The following CNTLN variants were observed in gnomAD, a reference collection of about 807,000 sequenced individuals.
The protein encoded by CNTLN is centlein, centrosomal protein.
CNTLN carries 212 observed loss-of-function variants against 180.0 expected under a neutral mutation model. The observed-to-expected ratio is 1.18, with a 90% confidence interval of 1.05 to 1.32. CNTLN has a LOEUF of 1.32. Ranked by LOEUF, CNTLN falls within the 40% of genes most tolerant of loss-of-function variation. CNTLN has a pLI of 0.00. For missense variants in CNTLN, 2,095 were observed against 1,610.9 expected (o/e 1.30, Z -5.14); for synonymous variants, 722 against 563.1 (o/e 1.28, Z -3.99).
chr9:17,304,228 A>G (rs771606814), intron 7 of CNTLN, among the ~76,000 whole-genome samples: 12 of 152,160 alleles, frequency 7.9e-5, no homozygotes, highest in Non-Finnish European at 1.8e-4. Context: ...AGTCTCATAT[A>G]CAAGTCTACC....
At chr9:17,319,316 G>T (rs1459675323) in intron 8 of CNTLN, among the ~76,000 whole-genome samples, 1 of 152,158 alleles carries the variant, frequency 6.6e-6, no homozygotes, top group Non-Finnish European at 1.5e-5. Context: ...TCTGGGCTGG[G>T]GCCTGAGATT....
At chr9:17,430,522 G>A (rs1194120615) in intron 18 of CNTLN, among the ~76,000 whole-genome samples, 4 of 151,872 alleles carry the variant, frequency 2.6e-5, no homozygotes, top group Admixed American at 6.6e-5. Context: ...TAATATCCAT[G>A]ATCTCAAAAA....
At chr9:17,209,400 T>C (rs1167092251) in intron 2 of CNTLN, among the ~76,000 whole-genome samples, 1 of 152,194 alleles carries the variant, frequency 6.6e-6, no homozygotes, top group Admixed American at 6.5e-5. Flanking sequence ...TCTGGACCAG[T>C]TGGATGAAAT....
intron 13 of CNTLN, among the ~76,000 whole-genome samples, chr9:17,367,996 C>T (rs1043852041): frequency 2.0e-5 from 3 of 152,118 alleles, no homozygotes; most frequent in Non-Finnish European, 4.4e-5. Flanking sequence ...TGTCTTGCAC[C>T]TTAGGTACCA....
At chr9:17,453,908 G>T (rs1830956057) in intron 18 of CNTLN, among the ~76,000 whole-genome samples, 1 of 152,168 alleles carries the variant, frequency 6.6e-6, no homozygotes, top group East Asian at 1.9e-4. Context: ...CATCTGATTA[G>T]GTCAGGACCA....
chr9:17,374,269 G>GA (rs1293689719), intron 13 of CNTLN, among the ~76,000 whole-genome samples: 3 of 152,058 alleles, frequency 2.0e-5, no homozygotes, highest in Admixed American at 2.0e-4. Flanking sequence ...TACTCTGTAG[G>GA]AAAAAATTTA....
chr9:17,339,868 A>C (rs1821339863), intron 10 of CNTLN, among the ~76,000 whole-genome samples: 1 of 152,148 alleles, frequency 6.6e-6, no homozygotes, highest in African/African-American at 2.4e-5. Flanking sequence ...GAAGTAGTTG[A>C]CTGTGCCACA....
At chr9:17,358,775 T>C (rs1473046436) in intron 12 of CNTLN, among the ~76,000 whole-genome samples, 1 of 152,204 alleles carries the variant, frequency 6.6e-6, no homozygotes, top group African/African-American at 2.4e-5. Flanking sequence ...CACTACAGCA[T>C]TGTTTGTAAT....
intron 5 of CNTLN, among the ~76,000 whole-genome samples, chr9:17,251,086 T>G (rs1251048230): frequency 6.6e-6 from 1 of 152,034 alleles, no homozygotes; most frequent in Non-Finnish European, 1.5e-5. Flanking sequence ...CCTCTGTACT[T>G]CATGGTTTCT....
chr9:17,436,194 T>G (rs1427087262), intron 18 of CNTLN, among the ~76,000 whole-genome samples: 1 of 152,224 alleles, frequency 6.6e-6, no homozygotes, highest in East Asian at 1.9e-4. Flanking sequence ...TAGAAAACAT[T>G]ATATACTATT....
At position 17,259,023 on chromosome 9, in the gene CNTLN, G is replaced by A. The variant is rs540852298; in HGVS notation, c.850-14710G>A. Among the ~76,000 whole-genome samples the A allele has an allele frequency of 1.5e-4, 22 of 149,878 alleles. No homozygotes were observed. The South Asian group carries it at 2.3e-3, about 16-fold the overall frequency. The stretch of plus-strand genomic sequence containing the variant: ...TTCCAACACTATGTTGAATAGGAGT[G>A]GTGAGAGAGGGCATCCCTGTCTTGT... On this transcript the variant is annotated intron_variant, in intron 5 of 25. Transcript: ENST00000380647.
intron 6 of CNTLN, among the ~76,000 whole-genome samples, chr9:17,280,864 C>T (rs1225307625): frequency 2.0e-5 from 3 of 152,154 alleles, no homozygotes; most frequent in African/African-American, 4.8e-5. Context: ...TGGTTATCCT[C>T]ACGTGATGGA....
chr9:17,179,425 ACT>A (rs1479690180), intron 2 of CNTLN, among the ~76,000 whole-genome samples: 2 of 151,686 alleles, frequency 1.3e-5, no homozygotes, highest in South Asian at 2.1e-4. Flanking sequence ...TTCCTGTGAG[ACT>A]CTCTGTATGA....
chr9:17,406,513 T>C (rs896484100), intron 15 of CNTLN, among the ~76,000 whole-genome samples: 7 of 151,762 alleles, frequency 4.6e-5, no homozygotes. Context: ...TAAGTTTTGC[T>C]TCAGTATTAC....
At chr9:17,247,705 C>T (rs1041376044) in intron 5 of CNTLN, among the ~76,000 whole-genome samples, 1 of 150,918 alleles carries the variant, frequency 6.6e-6, no homozygotes, top group Non-Finnish European at 1.5e-5. Flanking sequence ...TTCTATTTAG[C>T]CATCTTGCTC....
At chr9:17,339,305 T>C (rs1821292257) in intron 10 of CNTLN, among the ~76,000 whole-genome samples, 1 of 152,206 alleles carries the variant, frequency 6.6e-6, no homozygotes, top group Non-Finnish European at 1.5e-5. Context: ...ACTGTTTAGA[T>C]GAGAGGTCAA....
chr9:17,171,474 C>A (rs148334969), intron 2 of CNTLN, among the ~76,000 whole-genome samples: 88 of 152,246 alleles, frequency 5.8e-4, no homozygotes, highest in East Asian at 3.5e-3. Flanking sequence ...GCCAAGGCTG[C>A]GTGTGTTACA....
intron 18 of CNTLN, among the ~76,000 whole-genome samples, chr9:17,416,981 A>G (rs563886405): frequency 6.6e-6 from 1 of 152,184 alleles, no homozygotes; most frequent in African/African-American, 2.4e-5. Context: ...CTTTGATTCA[A>G]ACAATACATA....
chr9:17,304,447 G>T (rs886524202), intron 7 of CNTLN, among the ~76,000 whole-genome samples: 1 of 151,994 alleles, frequency 6.6e-6, no homozygotes, highest in Non-Finnish European at 1.5e-5. Context: ...ACATGGTTGG[G>T]GTACTAACAT....
Sources: allele counts gnomAD v4.1 joint callset (sites outside exome capture counted in the v4.1 genomes callset), GRCh38; gene constraint gnomAD v4.1.1; transcripts MANE v1.5; gene names NCBI Gene and HGNC (gene_info 2026-07-23, HGNC 2026-07-21).